ABCA9: variants seen among roughly 807,000 people sequenced by gnomAD.
The protein encoded by ABCA9 is ATP binding cassette subfamily A member 9.
In ABCA9, 183 loss-of-function variants were observed where a neutral mutation model predicts 205.3. That is an observed-to-expected ratio of 0.89 (90% CI 0.79 to 1.01). The LOEUF is 1.01. Ranked by LOEUF, ABCA9 falls within the 50% of genes least tolerant of loss-of-function variation. ABCA9 has a pLI of 0.00. For synonymous variants in ABCA9, 651 were observed against 683.3 expected (o/e 0.95, Z 0.74); for missense variants, 1,805 against 1,912.4 (o/e 0.94, Z 1.05).
chr17:69,054,111 T>C (rs149867808), intron 1 of ABCA9, among the ~76,000 whole-genome samples: 38 of 152,276 alleles, frequency 2.5e-4, no homozygotes, highest in African/African-American at 8.9e-4. Context: ...CCTCAAAAGA[T>C]GAAAGAGAAG....
intron 6 of ABCA9, among the ~76,000 whole-genome samples, chr17:69,037,694 G>A (rs1162324775): frequency 6.6e-6 from 1 of 151,584 alleles, no homozygotes; most frequent in African/African-American, 2.4e-5. Flanking sequence ...AAGCTATCAG[G>A]AGACACAAAA....
chr17:69,063,840 G>A (rs961694213), upstream of ABCA9, among the ~76,000 whole-genome samples: 11 of 152,166 alleles, frequency 7.2e-5, no homozygotes, highest in Non-Finnish European at 1.3e-4. Context: ...CCAAAGTGTT[G>A]GGATTACAGG....
At chr17:68,983,946 T>G in intron 35 of ABCA9, 97 bp from the exon 36 acceptor site, 1 of 1,601,256 alleles carries the variant, frequency 6.2e-7, no homozygotes, top group Non-Finnish European at 8.5e-7. Flanking sequence ...CCACATAGAG[T>G]TGGAAGCAAC....
chr17:68,999,284 AC>A (rs1229375567), intron 25 of ABCA9, among the ~76,000 whole-genome samples: 2 of 84,378 alleles, frequency 2.4e-5, no homozygotes, highest in African/African-American at 9.4e-5. Flanking sequence ...CCCTCCCCCC[AC>A]CCCACAACAG....
Position 69,029,230 on chromosome 17 carries a change from G to GA in ABCA9, c.1446-4dup, listed in dbSNP as rs766369586. 12 of 1,538,592 alleles carry GA rather than the reference G, an allele frequency of 7.8e-6. No homozygotes were observed. The highest frequency in any genetic ancestry group is 1.2e-5 in the South Asian group (1 of 84,990). ...ATTCTTTTTTAAGATTTTTGATTCT[G>GA]AAAAAAAGAGGGAAATGTTTTCAGA... On this transcript the variant is annotated splice_polypyrimidine_tract_variant and splice_region_variant and intron_variant, in intron 10 of 38. Coordinates refer to ENST00000340001, the MANE Select transcript of ABCA9 (RefSeq NM_080283.4).
chr17:69,060,533 G>C (rs2072210181), intron 1 of ABCA9, among the ~76,000 whole-genome samples: 1 of 150,112 alleles, frequency 6.7e-6, no homozygotes, highest in Non-Finnish European at 1.5e-5. Context: ...AACAAACAAA[G>C]AAGAGTAAGT....
At chr17:69,029,785 T>C (rs570341012) in intron 10 of ABCA9, among the ~76,000 whole-genome samples, 1 of 151,888 alleles carries the variant, frequency 6.6e-6, no homozygotes. Flanking sequence ...AATAAGATAA[T>C]ATACGCAGAA....
intron 3 of ABCA9, among the ~76,000 whole-genome samples, chr17:69,046,914 A>ATATAT (rs1567971370): frequency 2.7e-5 from 3 of 113,092 alleles, no homozygotes; most frequent in African/African-American, 9.7e-5. Flanking sequence ...TATATATATA[A>ATATAT]AATTTTATAT....
In ABCA9 at chr17:69,027,360, A is replaced by G; in HGVS notation, c.1881T>C (p.Thr627=). ...NLSGGQNRKL[T]FGIAILGDPQ... ...GATCTCCTAAAATGGCAATCCCAAA[A>G]GTTAGTTTCCTATTTTGTCCACCAC... is the stretch of plus-strand genomic sequence containing the variant. Residue 627 remains threonine, a synonymous_variant, in exon 14 of 39, where the codon ACT becomes ACC. Coordinates refer to ENST00000340001, the MANE Select transcript of ABCA9 (RefSeq NM_080283.4). 6.2e-7 allele frequency: 1 copy of G among 1,613,280 alleles called. No individual in the cohort carries two copies. Among genetic ancestry groups the G allele is most frequent in the Non-Finnish European group, 8.5e-7 (1 of 1,179,654 alleles).
chr17:69,005,102 G>A (rs1050783638), intron 25 of ABCA9, among the ~76,000 whole-genome samples: 2 of 152,216 alleles, frequency 1.3e-5, no homozygotes, highest in African/African-American at 4.8e-5. Context: ...CAGGCTGGGA[G>A]CTGTAGACCG....
Position 69,029,154 on chromosome 17 carries a change from A to C in ABCA9, c.1504+15T>G, listed in dbSNP as rs753469712. 4 of 1,486,126 alleles carry C rather than the reference A, an allele frequency of 2.7e-6. No individual in the cohort carries two copies. The South Asian group carries it at 4.9e-5, about 18-fold the overall frequency. 92.1% of individuals were successfully genotyped at this position (1,486,126 alleles called of 1,614,324 possible). ...AAATCAAGCAGCCCCATTAAATAAA[A>C]TATTATTTTATTACCTTTCAAAGCT... On this transcript the variant is annotated intron_variant, in intron 11 of 38. Transcript: ENST00000340001.
chr17:69,029,141 C>T (rs917800925), intron 11 of ABCA9, 28 bp downstream of exon 11: 4 of 1,393,102 alleles, frequency 2.9e-6, no homozygotes, highest in Non-Finnish European at 3.9e-6. Context: ...ATCAAGCAGC[C>T]CCATTAAATA....
intron 26 of ABCA9, among the ~76,000 whole-genome samples, chr17:68,994,436 A>G (rs1320296235): frequency 6.6e-6 from 1 of 152,170 alleles, no homozygotes; most frequent in African/African-American, 2.4e-5. Flanking sequence ...TGCCTTTCCT[A>G]AACTGCATTT....
rs780315045 is a variant in ABCA9 at position 68,976,207 on chromosome 17, A to G, written c.4721-17T>C. 5 of 1,608,124 alleles carry G rather than the reference A, an allele frequency of 3.1e-6. No homozygotes were observed. The African/African-American group carries it at 5.4e-5, about 17-fold the overall frequency. Reference sequence around the variant, plus strand: ...TCTGTTTAACTGCATAAGAATGAGCATACATTAGGAATTCTATTTTTTTTT... The same window carrying G: ...TCTGTTTAACTGCATAAGAATGAGCGTACATTAGGAATTCTATTTTTTTTT... On this transcript the variant is annotated splice_polypyrimidine_tract_variant and intron_variant, in intron 37 of 38. Transcript: ENST00000340001.
chr17:69,018,669 A>T, intron 19 of ABCA9, 90 bp from the exon 20 acceptor site: 1 of 945,004 alleles, frequency 1.1e-6, no homozygotes, highest in South Asian at 1.8e-5. Context: ...TAATAACAGA[A>T]ATAAATTATA....
At chr17:69,008,509 A>G (rs1256325932) in intron 23 of ABCA9, among the ~76,000 whole-genome samples, 1 of 152,214 alleles carries the variant, frequency 6.6e-6, no homozygotes, top group African/African-American at 2.4e-5. Flanking sequence ...CAGTGAGAAG[A>G]CATCTTTTCT....
rs77352485 is a variant in ABCA9, at chr17:68,996,376, G to T, written c.3436-362C>A. Among the ~76,000 whole-genome samples, 947 of 152,230 alleles carry T rather than the reference G, an allele frequency of 6.2e-3. 14 individuals carry two copies. The highest frequency in any genetic ancestry group is 0.022 in the African/African-American group (913 of 41,566). ...CATCCTTTTAGGCTTAGGCAAACCA[G>T]CTATTTGTTTTCTTGGCAATTATTT... On this transcript the variant is annotated intron_variant, in intron 25 of 38. Coordinates refer to ENST00000340001, the MANE Select transcript of ABCA9 (RefSeq NM_080283.4).
chr17:69,001,728 C>T (rs1300313189), intron 25 of ABCA9, among the ~76,000 whole-genome samples: 1 of 149,522 alleles, frequency 6.7e-6, no homozygotes, highest in East Asian at 2.0e-4. Context: ...TAGAATTCGG[C>T]TGTGAATCCA....
At chr17:69,028,769 T>C in intron 11 of ABCA9, 124 bp from the exon 12 acceptor site, 1 of 490,424 alleles carries the variant, frequency 2.0e-6, no homozygotes, top group East Asian at 3.3e-5. Flanking sequence ...AAAATTCATC[T>C]TAAAATTCTT....
Sources: gnomAD v4.1 joint callset for allele counts (sites outside exome capture counted in the v4.1 genomes callset) on GRCh38, gnomAD v4.1.1 for gene constraint, MANE v1.5 for transcripts, NCBI Gene and HGNC (gene_info 2026-07-23, HGNC 2026-07-21) for gene names.